PTPRT: variants seen among roughly 807,000 people sequenced by gnomAD.
PTPRT encodes the protein protein tyrosine phosphatase receptor type T.
Under a neutral mutation model 176.8 loss-of-function variants are expected in PTPRT, and 56 were observed. That is an observed-to-expected ratio of 0.32 (90% CI 0.26 to 0.40). The LOEUF (loss-of-function observed/expected upper bound fraction) is 0.40, where lower values mean the gene tolerates loss of function less well. Among genes scored for constraint, PTPRT ranks in the 10% least tolerant of loss-of-function variants. The pLI is 1.00. For synonymous variants in PTPRT, 783 were observed against 739.0 expected (o/e 1.06, Z -0.96); for missense variants, 1,540 against 1,908.2 (o/e 0.81, Z 3.60).
chr20:43,159,078 T>C (rs1600758471), intron 1 of PTPRT, among the ~76,000 whole-genome samples: 1 of 152,110 alleles, frequency 6.6e-6, no homozygotes, highest in Admixed American at 6.5e-5. Flanking sequence ...GGCCAAGTGA[T>C]AAAGAGAAAG....
At chr20:42,586,316 A>C (rs2073470650) in intron 7 of PTPRT, among the ~76,000 whole-genome samples, 1 of 152,190 alleles carries the variant, frequency 6.6e-6, no homozygotes, top group Non-Finnish European at 1.5e-5. Flanking sequence ...TCTACAATAC[A>C]AGGATGTTTA....
intron 1 of PTPRT, among the ~76,000 whole-genome samples, chr20:43,097,718 C>T (rs2146319333): frequency 6.6e-6 from 1 of 152,244 alleles, no homozygotes; most frequent in Admixed American, 6.5e-5. Context: ...ACACAGGAAT[C>T]ATTTTTTCCA....
At chr20:42,180,567 A>G (rs142208579) in intron 16 of PTPRT, among the ~76,000 whole-genome samples, 25 of 152,300 alleles carry the variant, frequency 1.6e-4, no homozygotes, top group African/African-American at 5.5e-4. Flanking sequence ...TAAGCTCTAG[A>G]AAGACAGGGA....
intron 11 of PTPRT, among the ~76,000 whole-genome samples, chr20:42,344,248 C>T (rs895426996): frequency 1.3e-5 from 2 of 152,204 alleles, no homozygotes; most frequent in African/African-American, 2.4e-5. Context: ...CACAGTTTAG[C>T]TTATTCGACC....
intron 13 of PTPRT, among the ~76,000 whole-genome samples, chr20:42,267,318 G>A (rs191612524): frequency 6.6e-6 from 1 of 152,298 alleles, no homozygotes; most frequent in African/African-American, 2.4e-5. Context: ...TGTTCCGTAG[G>A]TTAATTGTAT....
intron 17 of PTPRT, among the ~76,000 whole-genome samples, chr20:42,146,819 C>G (rs1988889432): frequency 6.6e-6 from 1 of 152,170 alleles, no homozygotes. Context: ...ACCCCAAATG[C>G]CCCTGCAGCA....
chr20:43,091,361 A>G (rs951120076), intron 1 of PTPRT, among the ~76,000 whole-genome samples: 1 of 152,118 alleles, frequency 6.6e-6, no homozygotes, highest in African/African-American at 2.4e-5. Context: ...ATGTTAGAAG[A>G]CGACTGGATG....
In PTPRT at chr20:43,170,161, AC is replaced by A. The variant is rs1408424507; in HGVS notation, c.88+19484del. On this transcript the variant is annotated intron_variant, in intron 1 of 30. Transcript: ENST00000373187. Reference sequence around the variant, plus strand: ...AATTAGGAATTTCCCCCGTATATATACTCGATATATATACGGGGGAAATTCC... The same window carrying A: ...AATTAGGAATTTCCCCCGTATATATATCGATATATATACGGGGGAAATTCC... Among the ~76,000 whole-genome samples the A allele has an allele frequency of 3.3e-4, 49 of 149,442 alleles. 1 individual carries two copies. The highest frequency in any genetic ancestry group is 1.0e-3 in the African/African-American group (41 of 39,806).
At chr20:42,395,158 A>G (rs145774918) in intron 9 of PTPRT, among the ~76,000 whole-genome samples, 52 of 151,990 alleles carry the variant, frequency 3.4e-4, no homozygotes, top group African/African-American at 1.0e-3. Flanking sequence ...AGACTCCCAC[A>G]CTGTTTCCTA....
At position 42,916,505 on chromosome 20, in the gene PTPRT, C is replaced by G. The variant is rs547352363; in HGVS notation, c.89-30573G>C. Among the ~76,000 whole-genome samples, 8 of 152,284 alleles carry G rather than the reference C, an allele frequency of 5.3e-5. No individual in the cohort carries two copies. The East Asian group carries it at 7.7e-4, about 15-fold the overall frequency. ...AGTAATGGGATTGCTGGGTTAAATG[C>G]TATTTCTAGTTCTAGATCCCTGAGG... On this transcript the variant is annotated intron_variant, in intron 1 of 30. Coordinates refer to ENST00000373187, the MANE Select transcript of PTPRT (RefSeq NM_007050.6).
At chr20:42,239,802 G>T (rs2056318276) in intron 14 of PTPRT, among the ~76,000 whole-genome samples, 1 of 152,126 alleles carries the variant, frequency 6.6e-6, no homozygotes, top group Non-Finnish European at 1.5e-5. Context: ...AATCTGGGGA[G>T]TCAGGCACTG....
chr20:42,595,486 C>T (rs1014482190), intron 7 of PTPRT, among the ~76,000 whole-genome samples: 1 of 152,100 alleles, frequency 6.6e-6, no homozygotes, highest in Non-Finnish European at 1.5e-5. Context: ...TTAAGAACTA[C>T]TGCAGTGAAT....
rs761780818 is a variant in PTPRT, at chr20:42,350,230, T to TTGTTTTG, written c.1865+397_1865+398insCAAAACA. Among the ~76,000 whole-genome samples the TTGTTTTG allele has an allele frequency of 2.0e-4, 16 of 78,624 alleles. 2 individuals are homozygous for TTGTTTTG. Among genetic ancestry groups the TTGTTTTG allele is most frequent in the Non-Finnish European group, 3.0e-4 (11 of 36,412 alleles). The allele number at this position is 78,624 out of a possible 152,430, so 51.6% of individuals were successfully genotyped here. A position where few individuals can be genotyped will look rare whatever the true frequency, so the allele number is the denominator to read the frequency against. On this transcript the variant is annotated intron_variant, in intron 11 of 30. Coordinates refer to ENST00000373187, the MANE Select transcript of PTPRT (RefSeq NM_007050.6). Reference sequence around the variant, plus strand: ...ATGTTTCTTGTTTTTTTTTTTTTTTTTTTTTTTTTTTTTTTTGAGACAGGG... The same window carrying TTGTTTTG: ...ATGTTTCTTGTTTTTTTTTTTTTTTTTGTTTTGTTTTTTTTTTTTTTTTGAGACAGGG...
In PTPRT at chr20:42,192,443, A is replaced by C. The variant is rs1413049971; in HGVS notation, c.2491+6797T>G. On this transcript the variant is annotated intron_variant, in intron 16 of 30. Transcript: ENST00000373187. Reference sequence around the variant, plus strand: ...CTTCTGCCTGCCTCATCTCTACTGAACCATCCCAAGGGAGTACCAAGCCTG... The same window carrying C: ...CTTCTGCCTGCCTCATCTCTACTGACCCATCCCAAGGGAGTACCAAGCCTG... 2.6e-5 allele frequency among the ~76,000 whole-genome samples: 4 copies of C among 152,178 alleles called. No individual in the cohort carries two copies. The South Asian group carries it at 8.3e-4, about 32-fold the overall frequency.
At chr20:42,994,285 T>G (rs80305350) in intron 1 of PTPRT, among the ~76,000 whole-genome samples, 1,771 of 152,170 alleles carry the variant, frequency 0.012, 48 homozygotes, top group African/African-American at 0.04. Context: ...ACACTTTTTC[T>G]CTTCTTCCTT....
chr20:42,322,772 A>G (rs2057819641), intron 11 of PTPRT, among the ~76,000 whole-genome samples: 2 of 152,054 alleles, frequency 1.3e-5, no homozygotes, highest in Admixed American at 6.5e-5. Context: ...ATCTAATTAA[A>G]CTAAAGAGCT....
Position 42,198,776 on chromosome 20 carries a change from A to G in PTPRT, c.2491+464T>C, listed in dbSNP as rs79949077. Reference sequence around the variant, plus strand: ...TAACTCATCAGCCATTGTATTTTAGATAAGTTGCTTCTCTGAGCCTCAGTT... The same window carrying G: ...TAACTCATCAGCCATTGTATTTTAGGTAAGTTGCTTCTCTGAGCCTCAGTT... On this transcript the variant is annotated intron_variant, in intron 16 of 30. Transcript: ENST00000373187. Among the ~76,000 whole-genome samples the G allele has an allele frequency of 3.9e-5, 6 of 152,180 alleles. No individual in the cohort carries two copies. In the East Asian group the frequency reaches 1.2e-3, roughly 29 times the overall value.
rs2075028952 is a variant in PTPRT, at chr20:42,651,433, A to T, written c.1153+26433T>A. Among the ~76,000 whole-genome samples, 2 of 152,190 alleles carry T rather than the reference A, an allele frequency of 1.3e-5. 1 individual carries two copies. Among genetic ancestry groups the T allele is most frequent in the South Asian group, 4.1e-4 (2 of 4,824 alleles). On this transcript the variant is annotated intron_variant, in intron 7 of 30. Transcript: ENST00000373187. Reference sequence around the variant, plus strand: ...TGTTTTCCATTTAGTGACTGTTTCAAATCTATGAGCTAGTCATATTTTGTT... The same window carrying T: ...TGTTTTCCATTTAGTGACTGTTTCATATCTATGAGCTAGTCATATTTTGTT...
At chr20:42,701,403 G>T (rs993650688) in intron 6 of PTPRT, among the ~76,000 whole-genome samples, 1 of 152,184 alleles carries the variant, frequency 6.6e-6, no homozygotes, top group Non-Finnish European at 1.5e-5. Context: ...CTTAAATGAT[G>T]TTACTGAGAA....
Sources: allele counts gnomAD v4.1 joint callset (sites outside exome capture counted in the v4.1 genomes callset), GRCh38; gene constraint gnomAD v4.1.1; transcripts MANE v1.5; gene names NCBI Gene and HGNC (gene_info 2026-07-23, HGNC 2026-07-21).